Variants in GMCL1 observed in about 807,000 individuals in gnomAD.
GMCL1 encodes the protein germ cell-less protein-like 1.
A neutral mutation model predicts 75.5 loss-of-function variants in GMCL1; 54 were observed. The observed-to-expected ratio is 0.71, with a 90% confidence interval of 0.57 to 0.90. The LOEUF (loss-of-function observed/expected upper bound fraction) is 0.90, where lower values mean the gene tolerates loss of function less well. Ranked by LOEUF, GMCL1 falls within the 40% of genes least tolerant of loss-of-function variation. The probability of loss-of-function intolerance (pLI) is 0.00; values close to 1 mark genes in which losing one functional copy is unlikely to be tolerated. For missense variants in GMCL1, 537 were observed against 622.7 expected, an observed-to-expected ratio of 0.86 and a Z score of 1.47; for synonymous variants, 210 against 209.6, an observed-to-expected ratio of 1.00 and a Z score of -0.02.
chr2:69,879,115 C>T lies in GMCL1; in HGVS notation c.*111C>T. The T allele has an allele frequency of 1.5e-6, 1 of 662,778 alleles. No individual in the cohort carries two copies. The highest frequency in any genetic ancestry group is 2.7e-5 in the Admixed American group (1 of 37,550). 41.1% of individuals were successfully genotyped at this position (662,778 alleles called of 1,614,324 possible). ...TTAATTTAATGGCCCTACTGATATTCACATCGAAGGTGACTAACAATGACA... is the reference window on the plus strand; with the variant it reads ...TTAATTTAATGGCCCTACTGATATTTACATCGAAGGTGACTAACAATGACA... On this transcript the variant is annotated 3_prime_UTR_variant, in exon 14 of 14. Transcript: ENST00000282570.
At position 69,875,937 on chromosome 2, in the gene GMCL1, A is replaced by G. The variant is rs137914678; in HGVS notation, c.1453-2972A>G. Among the ~76,000 whole-genome samples the G allele has an allele frequency of 8.8e-3, 1,332 of 152,204 alleles. 34 individuals are homozygous for G. In the East Asian group the frequency reaches 0.089, roughly 10 times the overall value. ...GATCTCCTGACCTCGTGATCCGCCC[A>G]CCTCAGGCTCCCAAAGTGCTGGGGT... is the stretch of plus-strand genomic sequence containing the variant. On this transcript the variant is annotated intron_variant, in intron 13 of 13. Transcript: ENST00000282570.
chr2:69,837,691 A>G (rs1199357487), intron 2 of GMCL1, 21 bp downstream of exon 2: 12 of 1,590,276 alleles, frequency 7.5e-6, no homozygotes, highest in African/African-American at 1.4e-5. Context: ...TTTCTATTTG[A>G]GTAACAGGGT....
At chr2:69,838,707 A>C in intron 2 of GMCL1, among the ~76,000 whole-genome samples, 1 of 152,166 alleles carries the variant, frequency 6.6e-6, no homozygotes, top group East Asian at 1.9e-4. Flanking sequence ...GGTATGATTC[A>C]TGTTGTTTCT....
chr2:69,857,389 C>T (rs1435254593), intron 9 of GMCL1, among the ~76,000 whole-genome samples: 1 of 152,192 alleles, frequency 6.6e-6, no homozygotes, highest in Non-Finnish European at 1.5e-5. Flanking sequence ...TGCAAATTCA[C>T]ATTTCAACAC....
Position 69,830,017 on chromosome 2 carries a change from G to T in GMCL1, c.125G>T (p.Gly42Val), listed in dbSNP as rs774282635. Residue 42 changes from glycine (G) to valine (V), a missense_variant, in exon 1 of 14, where the codon GGA becomes GTA. Coordinates refer to ENST00000282570, the MANE Select transcript of GMCL1 (RefSeq NM_178439.5). ...ACTGGAGACGATGCGGCGGGCCACG[G>T]ATTCTGTTACTGTGCGGGCAGCCAC... ...PDTGDDAAGH[G>V]FCYCAGSHKR... 4 of 1,564,416 alleles carry T rather than the reference G, an allele frequency of 2.6e-6. No homozygotes were observed. The South Asian group carries it at 4.7e-5, about 18-fold the overall frequency.
At chr2:69,832,790 TCA>T (rs1369338563) in intron 1 of GMCL1, among the ~76,000 whole-genome samples, 2 of 152,172 alleles carry the variant, frequency 1.3e-5, no homozygotes, top group Admixed American at 6.5e-5. Context: ...AGGAGAGAAA[TCA>T]CACAGCAATT....
intron 11 of GMCL1, among the ~76,000 whole-genome samples, chr2:69,868,240 A>G (rs1043368183): frequency 6.6e-6 from 1 of 152,044 alleles, no homozygotes; most frequent in Admixed American, 6.6e-5. Context: ...TCTCTTTAAA[A>G]AAAAAAAAGC....
chr2:69,839,381 T>A, intron 2 of GMCL1, 76 bp from the exon 3 acceptor site: 2 of 846,556 alleles, frequency 2.4e-6, no homozygotes, highest in Non-Finnish European at 3.8e-6. Context: ...AATAGTTGCT[T>A]AGAATTAGAA....
At chr2:69,872,814 A>G (rs1378297071) in intron 13 of GMCL1, among the ~76,000 whole-genome samples, 1 of 152,196 alleles carries the variant, frequency 6.6e-6, no homozygotes, top group African/African-American at 2.4e-5. Context: ...ACAGACAATG[A>G]CTATCTTTAT....
chr2:69,834,826 T>C (rs1674775312), intron 1 of GMCL1, among the ~76,000 whole-genome samples: 1 of 152,188 alleles, frequency 6.6e-6, no homozygotes, highest in Non-Finnish European at 1.5e-5. Flanking sequence ...ATTTTTTCTT[T>C]CTGGGATGCC....
At chr2:69,868,105 A>G (rs952378761) in intron 11 of GMCL1, among the ~76,000 whole-genome samples, 1 of 152,126 alleles carries the variant, frequency 6.6e-6, no homozygotes, top group Non-Finnish European at 1.5e-5. Context: ...CACCTATTCA[A>G]AAGCTTTGCT....
In GMCL1 at chr2:69,871,724, TTA is replaced by T. The variant is rs757392852; in HGVS notation, c.1365-19_1365-18del. 2.3e-6 allele frequency: 3 copies of T among 1,326,938 alleles called. No homozygotes were observed. Among genetic ancestry groups the T allele is most frequent in the South Asian group, 2.6e-5 (2 of 76,722 alleles). 82.2% of individuals were successfully genotyped at this position (1,326,938 alleles called of 1,614,324 possible). On this transcript the variant is annotated intron_variant, in intron 12 of 13. Transcript: ENST00000282570. ...GGTTTAAAAATCTTGTGTTTATTTT[TTA>T]TTTTTTTTTTAATCCTAGATTACGT...
intron 8 of GMCL1, among the ~76,000 whole-genome samples, chr2:69,850,451 C>T (rs567835079): frequency 1.3e-5 from 2 of 151,978 alleles, no homozygotes; most frequent in Non-Finnish European, 2.9e-5. Context: ...ATCCTTAGTT[C>T]GTGATTTTCT....
intron 11 of GMCL1, among the ~76,000 whole-genome samples, chr2:69,868,342 A>G (rs993906098): frequency 1.3e-5 from 2 of 152,168 alleles, no homozygotes; most frequent in African/African-American, 2.4e-5. Flanking sequence ...CTGGCATATA[A>G]TATGTGCTCA....
chr2:69,861,420 GA>G, intron 10 of GMCL1, 73 bp downstream of exon 10: 2 of 883,484 alleles, frequency 2.3e-6, no homozygotes, highest in Non-Finnish European at 3.6e-6. Context: ...TCATTATGTT[GA>G]AAAATCATTA....
chr2:69,851,359 C>T (rs548635973), intron 8 of GMCL1, among the ~76,000 whole-genome samples: 1 of 152,238 alleles, frequency 6.6e-6, no homozygotes, highest in African/African-American at 2.4e-5. Context: ...CGCCTGTACT[C>T]CCAGCGCTTT....
chr2:69,859,697 G>A lies in GMCL1; in HGVS notation c.1073-1581G>A, dbSNP rs570636786. Among the ~76,000 whole-genome samples, 163 of 141,292 alleles carry A rather than the reference G, an allele frequency of 1.2e-3. 2 individuals are homozygous for A. The highest frequency in any genetic ancestry group is 4.2e-3 in the African/African-American group (156 of 37,452). 92.7% of individuals were successfully genotyped at this position (141,292 alleles called of 152,430 possible). On this transcript the variant is annotated intron_variant, in intron 9 of 13. Transcript: ENST00000282570. ...TGCAGTTTACCAAGATAGGGCCACC[G>A]GACCCCAGCCTGGGCCACAGAGTGA...
intron 13 of GMCL1, among the ~76,000 whole-genome samples, chr2:69,872,214 T>C (rs1013613860): frequency 6.6e-6 from 1 of 152,182 alleles, no homozygotes; most frequent in African/African-American, 2.4e-5. Context: ...AAGACAATCC[T>C]GTATGTCTCC....
Position 69,869,754 on chromosome 2 carries a change from C to A in GMCL1, c.1254C>A (p.Phe418Leu), listed in dbSNP as rs746917421. Residue 418 changes from phenylalanine (F) to leucine (L), a missense_variant, in exon 12 of 14, where the codon TTC (phenylalanine) becomes TTA (leucine). Phe to Leu is a conservative substitution (Grantham distance 22, BLOSUM62 0). Around this residue, in one of 3 missense-constraint regions of GMCL1, gnomAD observed 345 missense variants for 410.5 expected, o/e 0.84. Transcript: ENST00000282570. ...CWRWTGFNFG[F>L]DLLVTYTNRY... The stretch of plus-strand genomic sequence containing the variant: ...GTTGGACAGGTTTTAACTTCGGCTT[C>A]GACCTACTTGTAACTTACACCAATC... The A allele has an allele frequency of 6.2e-7, 1 of 1,613,930 alleles. No homozygotes were observed. Among genetic ancestry groups the A allele is most frequent in the Admixed American group, 1.7e-5 (1 of 60,004 alleles).
Sources: allele counts gnomAD v4.1 joint callset (sites outside exome capture counted in the v4.1 genomes callset), GRCh38; gene constraint gnomAD v4.1.1; regional missense constraint gnomAD v4.1.1; transcripts MANE v1.5; gene names NCBI Gene and HGNC (gene_info 2026-07-23, HGNC 2026-07-21).